The following USP25 variants were observed in gnomAD, a reference collection of about 807,000 sequenced individuals.
USP25 encodes the protein ubiquitin carboxyl-terminal hydrolase 25.
Under a neutral mutation model 158.5 loss-of-function variants are expected in USP25, and 85 were observed. The observed-to-expected ratio is 0.54, with a 90% CI of 0.45 to 0.64. The LOEUF is 0.64. Ranked by LOEUF, USP25 falls within the 30% of genes least tolerant of loss-of-function variation. USP25 has a pLI of 0.00. For synonymous variants in USP25, 464 were observed against 460.4 expected (o/e 1.01, Z -0.10); for missense variants, 1,242 against 1,327.3 (o/e 0.94, Z 1.00).
chr21:15,751,794 G>C (rs577515092), intron 1 of USP25, among the ~76,000 whole-genome samples: 61 of 152,160 alleles, frequency 4.0e-4, no homozygotes, highest in South Asian at 1.0e-3. Context: ...TTCTTATTTA[G>C]AAATGTAACT....
intron 10 of USP25, among the ~76,000 whole-genome samples, chr21:15,819,771 A>C (rs910968964): frequency 6.6e-6 from 1 of 152,114 alleles, no homozygotes; most frequent in African/African-American, 2.4e-5. Context: ...TTTGAGAACA[A>C]ATTGCTTTTG....
chr21:15,805,349 G>C, intron 7 of USP25, 91 bp downstream of exon 7: 1 of 1,236,698 alleles, frequency 8.1e-7, no homozygotes. Context: ...GACTATTTGA[G>C]ATGCATGATT....
At chr21:15,753,566 A>G (rs1305979679) in intron 1 of USP25, among the ~76,000 whole-genome samples, 5 of 152,232 alleles carry the variant, frequency 3.3e-5, no homozygotes, top group African/African-American at 4.8e-5. Context: ...TCTAGATGGA[A>G]TGTAGGAGTG....
intron 20 of USP25, among the ~76,000 whole-genome samples, chr21:15,858,423 A>AT (rs948356171): frequency 4.0e-5 from 6 of 150,598 alleles, no homozygotes; most frequent in African/African-American, 7.3e-5. Context: ...TTCCTACATA[A>AT]TTTTTTTTGC....
At chr21:15,869,695 T>C (rs913566435) in intron 22 of USP25, among the ~76,000 whole-genome samples, 1 of 152,198 alleles carries the variant, frequency 6.6e-6, no homozygotes, top group Non-Finnish European at 1.5e-5. Context: ...ATACTCAGCG[T>C]AATATTTCAT....
intron 1 of USP25, among the ~76,000 whole-genome samples, chr21:15,752,882 A>T (rs1305051670): frequency 1.3e-5 from 2 of 152,212 alleles, no homozygotes; most frequent in Non-Finnish European, 2.9e-5. Context: ...AGATTGAGAA[A>T]AACTTCAATC....
intron 17 of USP25, among the ~76,000 whole-genome samples, chr21:15,835,229 A>G (rs1452416806): frequency 6.6e-6 from 1 of 152,196 alleles, no homozygotes; most frequent in Non-Finnish European, 1.5e-5. Context: ...GTTAAGCTCC[A>G]GTTTTATTCT....
At chr21:15,737,580 A>T (rs1332593282) in intron 1 of USP25, among the ~76,000 whole-genome samples, 1 of 151,634 alleles carries the variant, frequency 6.6e-6, no homozygotes, top group Admixed American at 6.6e-5. Flanking sequence ...GGCTGAAGGT[A>T]TTTTTTTTAA....
chr21:15,846,965 T>G (rs893088839), intron 18 of USP25, among the ~76,000 whole-genome samples: 9 of 152,172 alleles, frequency 5.9e-5, no homozygotes, highest in African/African-American at 2.2e-4. Context: ...CTGATTGAGT[T>G]GTTAAAAATG....
rs1294465596 is a variant in USP25 at position 15,766,127 on chromosome 21, G to A, written c.254G>A (p.Ser85Asn). Residue 85 changes from serine (S) to asparagine (N), a missense_variant, in exon 3 of 26, where the codon AGC (serine) becomes AAC (asparagine). Ser to Asn is a conservative substitution (Grantham distance 46). Around this residue, in one of 3 missense-constraint regions of USP25, gnomAD observed 627 missense variants for 701.4 expected, o/e 0.89. Coordinates refer to ENST00000400183, the MANE Select transcript of USP25 (RefSeq NM_001283041.3). The surrounding 1 kb of genome is among the most constrained non-coding windows in gnomAD (Gnocchi z 4.0). ...AATGATAGATACATCAGTGTGGGAA[G>A]CCAAGCAGATACAAGTAAGTTTTCT... is the stretch of plus-strand genomic sequence containing the variant. ...PGNDRYISVG[S>N]QADTNVIDLT... The A allele has an allele frequency of 1.3e-6, 2 of 1,594,670 alleles. No homozygotes were observed. Among genetic ancestry groups the A allele is most frequent in the Admixed American group, 3.5e-5 (2 of 56,404 alleles).
intron 4 of USP25, among the ~76,000 whole-genome samples, chr21:15,779,427 A>C (rs1011205097): frequency 2.0e-5 from 3 of 151,972 alleles, no homozygotes; most frequent in Non-Finnish European, 4.4e-5. Context: ...TATAAAAAGA[A>C]TGTATACTTG....
intron 20 of USP25, 28 bp downstream of exon 20, chr21:15,849,900 C>A (rs1390835737): frequency 7.0e-7 from 1 of 1,421,654 alleles, no homozygotes; most frequent in South Asian, 1.4e-5. Context: ...ATTTTCGTGT[C>A]TTTTCTTTTT....
At chr21:15,796,743 G>A (rs577158432) in intron 5 of USP25, among the ~76,000 whole-genome samples, 3 of 151,464 alleles carry the variant, frequency 2.0e-5, no homozygotes, top group African/African-American at 7.2e-5. Flanking sequence ...TCTCTTAGAA[G>A]ATAGTATTAT....
At chr21:15,833,976 C>T (rs938034314) in intron 17 of USP25, among the ~76,000 whole-genome samples, 6 of 151,910 alleles carry the variant, frequency 3.9e-5, no homozygotes, top group South Asian at 2.1e-4. Context: ...ATAATACTAC[C>T]GGTATATTCA....
chr21:15,782,763 A>G (rs909081967), intron 4 of USP25, among the ~76,000 whole-genome samples: 2 of 152,198 alleles, frequency 1.3e-5, no homozygotes, highest in Admixed American at 6.5e-5. Flanking sequence ...ACCTCTTCCT[A>G]TGAAAGCTGC....
chr21:15,759,732 G>A (rs1328163193), intron 1 of USP25, among the ~76,000 whole-genome samples: 3 of 152,164 alleles, frequency 2.0e-5, no homozygotes, highest in Non-Finnish European at 4.4e-5. Flanking sequence ...TTATGTTAAT[G>A]CTGGAGAGGT....
intron 5 of USP25, among the ~76,000 whole-genome samples, chr21:15,793,009 CACTTT>C (rs1438014011): frequency 6.6e-6 from 1 of 151,536 alleles, no homozygotes; most frequent in Non-Finnish European, 1.5e-5. Context: ...TAGGCTATCT[CACTTT>C]ACTTGCGCTA....
At chr21:15,852,775 A>G (rs539608624) in intron 20 of USP25, among the ~76,000 whole-genome samples, 1 of 152,148 alleles carries the variant, frequency 6.6e-6, no homozygotes, top group South Asian at 2.1e-4. Context: ...CTACCTTTTT[A>G]TGTCTTTAGT....
chr21:15,733,724 C>T (rs868441396), intron 1 of USP25, among the ~76,000 whole-genome samples: 4 of 152,280 alleles, frequency 2.6e-5, no homozygotes, highest in Middle Eastern at 3.4e-3. Flanking sequence ...TGCCTGTAAT[C>T]CCAGCTACTC....
Sources: allele counts gnomAD v4.1 joint callset (sites outside exome capture counted in the v4.1 genomes callset), GRCh38; gene constraint gnomAD v4.1.1; regional missense constraint gnomAD v4.1.1; non-coding constraint Gnocchi (gnomAD v3.1); transcripts MANE v1.5; gene names NCBI Gene and HGNC (gene_info 2026-07-23, HGNC 2026-07-21).